Variants in GPR161 observed in about 807,000 individuals in gnomAD.
GPR161 encodes the protein G protein-coupled receptor 161.
GPR161 carries 25 observed loss-of-function variants against 39.2 expected under a neutral mutation model. The observed-to-expected ratio is 0.64, with a 90% confidence interval of 0.47 to 0.89. The LOEUF is 0.89. GPR161 is among the 40% of genes least tolerant of loss of function. The pLI is 0.00. For synonymous variants in GPR161, 286 were observed against 276.6 expected, an observed-to-expected ratio of 1.03 and a Z score of -0.34; for missense variants, 547 against 677.8, an observed-to-expected ratio of 0.81 and a Z score of 2.14.
chr1:168,089,602 C>T (rs1572244793), intron 4 of GPR161: 1 of 152,402 alleles, frequency 6.6e-6, no homozygotes, highest in Non-Finnish European at 1.5e-5. Flanking sequence ...GACCCACTGC[C>T]AGGCATGCGG....
rs1694169050 is a variant in GPR161, at chr1:168,082,812, C to T, written c.*2719G>A. Reference sequence around the variant, plus strand: ...TTAGTGGGGGCACTTGGGGTTTCGACCTTCTGCACTAACGGCAGATATCCT... The same window carrying T: ...TTAGTGGGGGCACTTGGGGTTTCGATCTTCTGCACTAACGGCAGATATCCT... On this transcript the variant is annotated 3_prime_UTR_variant, in exon 6 of 6. Coordinates refer to ENST00000682931, the MANE Select transcript of GPR161 (RefSeq NM_001375883.1). The T allele has an allele frequency of 6.6e-6, 1 of 152,230 alleles. No homozygotes were observed. The highest frequency in any genetic ancestry group is 2.1e-4 in the South Asian group (1 of 4,838). The allele number at this position is 152,230 out of a possible 1,614,324, so 9.4% of individuals were successfully genotyped here. A position where few individuals can be genotyped will look rare whatever the true frequency, so the allele number is the denominator to read the frequency against.
At chr1:168,130,178 TA>T (rs1388265613) in intron 1 of GPR161, among the ~76,000 whole-genome samples, 1 of 152,186 alleles carries the variant, frequency 6.6e-6, no homozygotes, top group Admixed American at 6.5e-5. Flanking sequence ...CAGAGGAAAT[TA>T]ACTGTCGGCC....
chr1:168,117,456 C>T (rs1215744772), intron 1 of GPR161, among the ~76,000 whole-genome samples: 1 of 152,136 alleles, frequency 6.6e-6, no homozygotes, highest in African/African-American at 2.4e-5. Flanking sequence ...TTCCAAATCC[C>T]AGCTCTGCTA....
intron 1 of GPR161, among the ~76,000 whole-genome samples, chr1:168,131,112 C>G (rs1698955064): frequency 6.6e-6 from 1 of 152,172 alleles, no homozygotes; most frequent in South Asian, 2.1e-4. Context: ...AGTTCTCAGT[C>G]AAAACTTCAT....
Position 168,090,634 on chromosome 1 carries a change from C to T in GPR161, c.1134G>A (p.Met378Ile). Residue 378 changes from methionine to isoleucine, a missense_variant, in exon 4 of 6, where the codon ATG becomes ATA. Coordinates refer to ENST00000682931, the MANE Select transcript of GPR161 (RefSeq NM_001375883.1). ...LGLSPHLTALMAGGQPLGHSS... is the reference protein window; with the variant it reads ...LGLSPHLTALIAGGQPLGHSS... ...TGTGCCCCAGGGGCTGTCCACCTGC[C>T]ATGAGCGCAGTGAGGTGTGGGGACA... The T allele has an allele frequency of 6.2e-7, 1 of 1,612,332 alleles. No individual in the cohort carries two copies. The highest frequency in any genetic ancestry group is 1.3e-5 in the African/African-American group (1 of 75,006).
At position 168,086,362 on chromosome 1, in the gene GPR161, G is replaced by C. The variant is rs552068534; in HGVS notation, c.1325-566C>G. Among the ~76,000 whole-genome samples, 8 of 152,326 alleles carry C rather than the reference G, an allele frequency of 5.3e-5. No individual in the cohort carries two copies. The East Asian group carries it at 1.5e-3, about 29-fold the overall frequency. ...AAACTAAAACGAACAGAAGTGAGAG[G>C]GGGGAGCCCTTCAATTTCACACCCT... On this transcript the variant is annotated intron_variant, in intron 5 of 5. Transcript: ENST00000682931.
At chr1:168,135,897 T>C (rs1699317722) in intron 1 of GPR161, 5 of 411,046 alleles carry the variant, frequency 1.2e-5, no homozygotes, top group Non-Finnish European at 1.7e-5. Context: ...GGGATGAAAG[T>C]ACAATAACAA....
At chr1:168,136,470 C>T in intron 1 of GPR161, 1 of 1,270,628 alleles carries the variant, frequency 7.9e-7, no homozygotes, top group Non-Finnish European at 9.9e-7. Flanking sequence ...ATGGGGTGGG[C>T]CTCTCAGAAG....
In GPR161 at chr1:168,085,534, T is replaced by C; in HGVS notation, c.1587A>G (p.Arg529=). 1 of 1,610,044 alleles carries C rather than the reference T, an allele frequency of 6.2e-7. No individual in the cohort carries two copies. Among genetic ancestry groups the C allele is most frequent in the Non-Finnish European group, 8.5e-7 (1 of 1,177,116 alleles). ...GCCCCACGGCACCCTGAGGCCCTCA[T>C]CTCTGCTCGGCAGCTAAAACATCTC... is the stretch of plus-strand genomic sequence containing the variant. ...EEGDVLAAEQ[R] is the part of the protein sequence containing the mutation. The change falls in exon 6 of 6, where the codon AGA becomes AGG. Residue 529 remains arginine (R), a synonymous_variant. Transcript: ENST00000682931.
In GPR161 at chr1:168,085,223, C is replaced by G; in HGVS notation, c.*308G>C. ...CCTTCGTCTCTGGTCCTCCCATGCC[C>G]CACCTCCCAAAAAGCCACAGCCACA... On this transcript the variant is annotated 3_prime_UTR_variant, in exon 6 of 6. Transcript: ENST00000682931. The G allele has an allele frequency of 2.2e-6, 1 of 460,736 alleles. No individual in the cohort carries two copies. Among genetic ancestry groups the G allele is most frequent in the Middle Eastern group, 3.1e-4 (1 of 3,180 alleles). The allele number at this position is 460,736 out of a possible 1,614,324, so 28.5% of individuals were successfully genotyped here. A position where few individuals can be genotyped will look rare whatever the true frequency, so the allele number is the denominator to read the frequency against.
intron 2 of GPR161, 54 bp downstream of exon 2, chr1:168,104,423 C>CAGATGAGCGCCCGTCAGT (rs1222060495): frequency 2.1e-6 from 3 of 1,452,996 alleles, no homozygotes; most frequent in Non-Finnish European, 2.9e-6. Context: ...GACACTGCAC[C>CAGATGAGCGCCCGTCAGT]AGATGAGCGC....
chr1:168,086,140 A>G (rs759441954), intron 5 of GPR161, among the ~76,000 whole-genome samples: 1 of 152,224 alleles, frequency 6.6e-6, no homozygotes, highest in Non-Finnish European at 1.5e-5. Context: ...AATACTTTCT[A>G]CTAATGCTAA....
chr1:168,112,219 G>A (rs748260235), intron 1 of GPR161, among the ~76,000 whole-genome samples: 3 of 152,074 alleles, frequency 2.0e-5, no homozygotes, highest in Non-Finnish European at 1.5e-5. Context: ...GGTGGCTCAC[G>A]CCTGTAATCC....
chr1:168,105,363 G>A (rs556483275), intron 1 of GPR161, among the ~76,000 whole-genome samples: 1 of 152,240 alleles, frequency 6.6e-6, no homozygotes, highest in Admixed American at 6.5e-5. Flanking sequence ...TTAGACCCTG[G>A]CTACTCAGGG....
intron 1 of GPR161, among the ~76,000 whole-genome samples, chr1:168,126,670 TCTCAAA>T (rs1325443430): frequency 2.6e-5 from 4 of 152,092 alleles, no homozygotes; most frequent in Non-Finnish European, 5.9e-5. Flanking sequence ...CCCAGGCTGG[TCTCAAA>T]CTCCTGGGCT....
rs35900694 is a variant in GPR161, at chr1:168,100,210, C to CAAA, written c.375-2981_375-2979dup. 2.3e-3 allele frequency among the ~76,000 whole-genome samples: 123 copies of CAAA among 54,654 alleles called. 2 individuals are homozygous for CAAA. The highest frequency in any genetic ancestry group is 4.4e-3 in the African/African-American group (69 of 15,684). 35.9% of individuals were successfully genotyped at this position (54,654 alleles called of 152,430 possible). On this transcript the variant is annotated intron_variant, in intron 2 of 5. Transcript: ENST00000682931. ...TGGGTGACAGAGCAAGACCCTGTCT[C>CAAA]AAAAAAAAAAAAAAAAAAAAAAAGG...
chr1:168,081,577 A>C lies in GPR161; in HGVS notation c.*3954T>G, dbSNP rs544165155. 1.3e-5 allele frequency: 2 copies of C among 152,362 alleles called. No homozygotes were observed. The highest frequency in any genetic ancestry group is 4.8e-5 in the African/African-American group (2 of 41,574). The allele number at this position is 152,362 out of a possible 1,614,324, so 9.4% of individuals were successfully genotyped here. A position where few individuals can be genotyped will look rare whatever the true frequency, so the allele number is the denominator to read the frequency against. ...GACTCCCTCAATCCTGTGTGTCTCC[A>C]CATTGAAACAGATGACTAAACTTCC... is the stretch of plus-strand genomic sequence containing the variant. On this transcript the variant is annotated 3_prime_UTR_variant, in exon 6 of 6. Coordinates refer to ENST00000682931, the MANE Select transcript of GPR161 (RefSeq NM_001375883.1).
chr1:168,100,254 T>A (rs1207158726), intron 2 of GPR161, among the ~76,000 whole-genome samples: 1 of 143,218 alleles, frequency 7.0e-6, no homozygotes. Context: ...CAGTCCTGCA[T>A]CTCCTCAGGA....
intron 1 of GPR161, among the ~76,000 whole-genome samples, chr1:168,112,520 A>G (rs1697282553): frequency 6.6e-6 from 1 of 150,748 alleles, no homozygotes; most frequent in South Asian, 2.1e-4. Context: ...AAGAAAAAAA[A>G]AAATTTGGTA....
Sources: allele counts gnomAD v4.1 joint callset (sites outside exome capture counted in the v4.1 genomes callset), GRCh38; gene constraint gnomAD v4.1.1; transcripts MANE v1.5; gene names NCBI Gene and HGNC (gene_info 2026-07-23, HGNC 2026-07-21).